The following GRIK2 variants were observed in gnomAD, a reference collection of about 807,000 sequenced individuals.
GRIK2 encodes the protein glutamate ionotropic receptor kainate type subunit 2.
In GRIK2, 32 loss-of-function variants were observed where a neutral mutation model predicts 100.3. The observed-to-expected ratio is 0.32, with a 90% CI of 0.24 to 0.43. The LOEUF (loss-of-function observed/expected upper bound fraction) is 0.43. GRIK2 is among the 20% of genes least tolerant of loss of function. The pLI, the probability that GRIK2 is intolerant of heterozygous loss-of-function variation, is 1.00. For missense variants in GRIK2, 843 were observed against 1,114.9 expected, an observed-to-expected ratio of 0.76 and a Z score of 3.47; for synonymous variants, 417 against 389.4, an observed-to-expected ratio of 1.07 and a Z score of -0.83.
intron 5 of GRIK2, among the ~76,000 whole-genome samples, chr6:101,677,155 C>T (rs1664521284): frequency 6.6e-6 from 1 of 151,974 alleles, no homozygotes; most frequent in African/African-American, 2.4e-5. Flanking sequence ...TTACAATCAG[C>T]CAGTAGGAAA....
chr6:101,859,592 T>A, intron 11 of GRIK2, 99 bp downstream of exon 11: 1 of 694,212 alleles, frequency 1.4e-6, no homozygotes, highest in Non-Finnish European at 2.5e-6. Context: ...TAGTGATATA[T>A]TTCAAGCATG....
intron 14 of GRIK2, among the ~76,000 whole-genome samples, chr6:101,989,863 T>A (rs1008032627): frequency 6.6e-6 from 1 of 151,462 alleles, no homozygotes; most frequent in Admixed American, 6.6e-5. Flanking sequence ...ATTATATATA[T>A]ATATAATTTT....
At chr6:101,962,543 C>G (rs1347250704) in intron 14 of GRIK2, among the ~76,000 whole-genome samples, 1 of 152,078 alleles carries the variant, frequency 6.6e-6, no homozygotes, top group African/African-American at 2.4e-5. Context: ...CTTCTTAGTT[C>G]TATCTATCCT....
At chr6:101,514,069 G>A (rs957107808) in intron 2 of GRIK2, among the ~76,000 whole-genome samples, 2 of 152,026 alleles carry the variant, frequency 1.3e-5, no homozygotes, top group Admixed American at 6.6e-5. Context: ...ATGAAAAGTT[G>A]AGCACAGCCC....
rs1357311562 is a variant in GRIK2, at chr6:101,735,257, G to A, written c.951+48904G>A. Among the ~76,000 whole-genome samples, 3 of 152,172 alleles carry A rather than the reference G, an allele frequency of 2.0e-5. No homozygotes were observed. The South Asian group carries it at 6.2e-4, about 31-fold the overall frequency. On this transcript the variant is annotated intron_variant, in intron 7 of 16. Coordinates refer to ENST00000369134, the MANE Select transcript of GRIK2 (RefSeq NM_021956.5). The stretch of plus-strand genomic sequence containing the variant: ...AAAGGATCTGATGAAAAGGCACCCA[G>A]TATTTGATGGATAGAGGAAGGGAAG...
chr6:101,886,887 G>A (rs2128456180), intron 11 of GRIK2, among the ~76,000 whole-genome samples: 1 of 136,538 alleles, frequency 7.3e-6, no homozygotes, highest in Non-Finnish European at 1.5e-5. Flanking sequence ...GTGCAGTGTT[G>A]CGATCTCGGC....
intron 2 of GRIK2, among the ~76,000 whole-genome samples, chr6:101,582,166 C>T (rs1399480539): frequency 6.6e-6 from 1 of 151,950 alleles, no homozygotes; most frequent in Non-Finnish European, 1.5e-5. Flanking sequence ...GTTTGCTGCA[C>T]CCATCAATCC....
At chr6:101,625,144 C>T (rs180930230) in intron 3 of GRIK2, among the ~76,000 whole-genome samples, 2,108 of 151,982 alleles carry the variant, frequency 0.014, 27 homozygotes, top group Non-Finnish European at 0.022. Context: ...GAGGCCGAGG[C>T]GGGTGGATCA....
chr6:101,941,788 C>T (rs964976086), intron 14 of GRIK2, among the ~76,000 whole-genome samples: 4 of 152,020 alleles, frequency 2.6e-5, no homozygotes, highest in East Asian at 1.9e-4. Flanking sequence ...CCATAGTTTA[C>T]AATAGCTTTC....
intron 16 of GRIK2, among the ~76,000 whole-genome samples, chr6:102,061,502 T>C (rs1771749581): frequency 6.6e-6 from 1 of 150,540 alleles, no homozygotes. Flanking sequence ...TAAGGAAATA[T>C]ATGGATTAGG....
intron 7 of GRIK2, among the ~76,000 whole-genome samples, chr6:101,719,367 T>C (rs1207206488): frequency 6.6e-6 from 1 of 151,868 alleles, no homozygotes; most frequent in Non-Finnish European, 1.5e-5. Flanking sequence ...AAATATACTT[T>C]CACTGCTAGC....
intron 4 of GRIK2, among the ~76,000 whole-genome samples, chr6:101,671,410 G>A (rs1425453418): frequency 6.6e-6 from 1 of 151,972 alleles, no homozygotes; most frequent in East Asian, 1.9e-4. Flanking sequence ...AAAGTGAGAA[G>A]GGTAGCATTA....
intron 10 of GRIK2, among the ~76,000 whole-genome samples, chr6:101,825,679 T>C (rs1782276393): frequency 2.6e-5 from 4 of 152,098 alleles, no homozygotes; most frequent in Admixed American, 2.6e-4. Flanking sequence ...AATTTTATAA[T>C]TGTCAATACT....
chr6:101,917,852 G>T (rs1789220278), intron 12 of GRIK2, among the ~76,000 whole-genome samples: 1 of 151,026 alleles, frequency 6.6e-6, no homozygotes, highest in Non-Finnish European at 1.5e-5. Context: ...TTAACTATAT[G>T]CCCATGAAAA....
chr6:102,018,928 C>CATCCA (rs71028097), intron 14 of GRIK2, among the ~76,000 whole-genome samples: 4 of 151,620 alleles, frequency 2.6e-5, no homozygotes, highest in Non-Finnish European at 5.9e-5. Context: ...TATTCTGAGA[C>CATCCA]ATGTCATTTT....
intron 2 of GRIK2, among the ~76,000 whole-genome samples, chr6:101,543,708 G>C (rs1330440885): frequency 6.6e-6 from 1 of 152,192 alleles, no homozygotes; most frequent in Non-Finnish European, 1.5e-5. Flanking sequence ...GTATTCTCAT[G>C]TAACATGGGG....
intron 2 of GRIK2, among the ~76,000 whole-genome samples, chr6:101,442,703 G>T (rs944061227): frequency 3.3e-5 from 5 of 152,088 alleles, no homozygotes; most frequent in African/African-American, 1.2e-4. Flanking sequence ...CATGATTTCT[G>T]TAGCAACTAC....
At chr6:101,761,126 A>G (rs1777632699) in intron 7 of GRIK2, among the ~76,000 whole-genome samples, 1 of 152,142 alleles carries the variant, frequency 6.6e-6, no homozygotes, top group Admixed American at 6.6e-5. Flanking sequence ...CATAGCATTC[A>G]GGGAGAAGAG....
chr6:101,717,510 T>G (rs1471938952), intron 7 of GRIK2, among the ~76,000 whole-genome samples: 1 of 151,828 alleles, frequency 6.6e-6, no homozygotes, highest in Non-Finnish European at 1.5e-5. Flanking sequence ...CTTGAGTATG[T>G]TACAAGAATT....
Sources: allele counts gnomAD v4.1 joint callset (sites outside exome capture counted in the v4.1 genomes callset), GRCh38; gene constraint gnomAD v4.1.1; transcripts MANE v1.5; gene names NCBI Gene and HGNC (gene_info 2026-07-23, HGNC 2026-07-21).